The following TUSC3 variants were observed in gnomAD, a reference collection of about 807,000 sequenced individuals.
TUSC3 encodes dolichyl-diphosphooligosaccharide--protein glycosyltransferase subunit TUSC3.
TUSC3 carries 45 observed loss-of-function variants against 44.8 expected under a neutral mutation model. The ratio of observed to expected loss-of-function variants is 1.00; its 90% CI spans 0.79 to 1.29. The LOEUF is 1.29. Ranked by LOEUF, TUSC3 falls within the 50% of genes most tolerant of loss-of-function variation. The pLI, the probability that TUSC3 is intolerant of heterozygous loss-of-function variation, is 0.00. For synonymous variants in TUSC3, 212 were observed against 152.9 expected, an observed-to-expected ratio of 1.39 and a Z score of -2.85; for missense variants, 519 against 437.9, an observed-to-expected ratio of 1.19 and a Z score of -1.65.
At chr8:15,813,568 C>G in the TUSC3 span, among the ~76,000 whole-genome samples, 1 of 152,058 alleles carries the variant, frequency 6.6e-6, no homozygotes. Context: ...TTTTAAGGCA[C>G]ATTTTATTCT....
rs11545037 is a variant in TUSC3, at chr8:15,540,523, G to A, written c.93G>A (p.Leu31=). The part of the protein sequence containing the change: ...PTGSFPFLLL[L]LLLCIQLGGG... ...GGAGCTTTCCCTTCCTTCTCCTGCT[G>A]CTGCTGCTCTGCATCCAGCTCGGGG... The change falls in exon 1 of 11, where the codon CTG becomes CTA. Residue 31 remains leucine, a synonymous_variant. Transcript: ENST00000503731. The A allele has an allele frequency of 1.2e-6, 2 of 1,606,362 alleles. No homozygotes were observed. The highest frequency in any genetic ancestry group is 2.7e-5 in the African/African-American group (2 of 73,930).
At chr8:15,714,918 C>T (rs1247082633) in intron 6 of TUSC3, among the ~76,000 whole-genome samples, 1 of 152,058 alleles carries the variant, frequency 6.6e-6, no homozygotes, top group Non-Finnish European at 1.5e-5. Context: ...CTCTTTATAA[C>T]TCTTTATAAT....
At chr8:15,634,707 C>T (rs1413116500) in intron 2 of TUSC3, among the ~76,000 whole-genome samples, 3 of 152,096 alleles carry the variant, frequency 2.0e-5, no homozygotes, top group Non-Finnish European at 4.4e-5. Flanking sequence ...CTCTCTACCT[C>T]CTAGGATCTG....
At chr8:15,831,637 T>A in the TUSC3 span, among the ~76,000 whole-genome samples, 1 of 152,082 alleles carries the variant, frequency 6.6e-6, no homozygotes, top group Admixed American at 6.6e-5. Flanking sequence ...AAAAACACAC[T>A]GCAAGAATTT....
intron 2 of TUSC3, among the ~76,000 whole-genome samples, chr8:15,513,825 A>G (rs1475379623): frequency 6.6e-6 from 1 of 152,270 alleles, no homozygotes; most frequent in East Asian, 1.9e-4. Context: ...CACCAGAGTC[A>G]ATGAGCAAGC....
intron 6 of TUSC3, among the ~76,000 whole-genome samples, chr8:15,682,614 T>C (rs1808471333): frequency 6.6e-6 from 1 of 152,190 alleles, no homozygotes; most frequent in Non-Finnish European, 1.5e-5. Flanking sequence ...CCTGTGTGTC[T>C]ATTAAGTGGA....
chr8:15,592,907 A>G (rs1286749368), intron 1 of TUSC3, among the ~76,000 whole-genome samples: 4 of 152,128 alleles, frequency 2.6e-5, no homozygotes, highest in African/African-American at 7.2e-5. Context: ...TGTTGTCATC[A>G]GGACTCAAAC....
intron 9 of TUSC3, among the ~76,000 whole-genome samples, chr8:15,750,049 G>C (rs1047374782): frequency 6.8e-6 from 1 of 148,074 alleles, no homozygotes; most frequent in African/African-American, 2.5e-5. Context: ...GCTTGATCTC[G>C]GCTCACTGCA....
chr8:15,689,821 G>GGTGTGTGT (rs71543657), intron 6 of TUSC3, among the ~76,000 whole-genome samples: 2,461 of 130,934 alleles, frequency 0.019, 18 homozygotes, highest in Non-Finnish European at 0.02. Context: ...AATAGTCCAT[G>GGTGTGTGT]GTGTGTGTGT....
chr8:15,552,011 C>G (rs1802077202), intron 1 of TUSC3, among the ~76,000 whole-genome samples: 1 of 151,662 alleles, frequency 6.6e-6, no homozygotes, highest in Non-Finnish European at 1.5e-5. Context: ...AGTATGGAGA[C>G]TTCTTTGATT....
chr8:15,448,908 T>A (rs550002384), intron 1 of TUSC3, among the ~76,000 whole-genome samples: 3 of 152,214 alleles, frequency 2.0e-5, no homozygotes, highest in Non-Finnish European at 4.4e-5. Context: ...GTAGCCATTA[T>A]AACATCATAG....
chr8:15,683,066 T>C (rs974364739), intron 6 of TUSC3, among the ~76,000 whole-genome samples: 16 of 152,274 alleles, frequency 1.1e-4, no homozygotes, highest in Middle Eastern at 3.4e-3. Context: ...CCCTTTTCTC[T>C]AGCTGCCTTT....
intron 2 of TUSC3, among the ~76,000 whole-genome samples, chr8:15,488,029 A>G (rs139119152): frequency 1.3e-5 from 2 of 151,886 alleles, no homozygotes; most frequent in East Asian, 3.9e-4. Flanking sequence ...CAAAAAGTCA[A>G]TTTTCTAAGC....
At chr8:15,454,149 G>C (rs1367776976) in intron 1 of TUSC3, among the ~76,000 whole-genome samples, 2 of 152,148 alleles carry the variant, frequency 1.3e-5, no homozygotes, top group African/African-American at 4.8e-5. Context: ...CAAGGGAGAA[G>C]GGACACAAGA....
intron 1 of TUSC3, among the ~76,000 whole-genome samples, chr8:15,478,957 T>G (rs767409897): frequency 5.9e-5 from 9 of 152,166 alleles, no homozygotes; most frequent in Non-Finnish European, 1.3e-4. Flanking sequence ...TTTCTTGACT[T>G]TTTAATAACC....
intron 3 of TUSC3, among the ~76,000 whole-genome samples, chr8:15,651,370 A>C (rs992673872): frequency 4.6e-5 from 7 of 152,196 alleles, no homozygotes; most frequent in Non-Finnish European, 8.8e-5. Context: ...AGGATTAAAT[A>C]TTTATTGACA....
chr8:15,834,447 C>G, the TUSC3 span, among the ~76,000 whole-genome samples: 143,428 of 152,214 alleles, frequency 0.94, 67,675 homozygotes, highest in Non-Finnish European at 0.97. Context: ...GGGAAGGTGT[C>G]TTTCATTTCT....
At position 15,738,762 on chromosome 8, in the gene TUSC3, A is replaced by G. The variant is rs190207958; in HGVS notation, c.863-4776A>G. 4.0e-3 allele frequency among the ~76,000 whole-genome samples: 613 copies of G among 151,480 alleles called. 14 individuals carry two copies. The highest frequency in any genetic ancestry group is 9.3e-4 in the Non-Finnish European group (63 of 67,924). ...TCAGGTTTTATATATACTTTTATAC[A>G]TATTATACAAACATATACATCTTTT... On this transcript the variant is annotated intron_variant, in intron 7 of 10. Coordinates refer to ENST00000503731, the MANE Select transcript of TUSC3 (RefSeq NM_006765.4).
At chr8:15,719,478 T>A (rs377453637) in intron 6 of TUSC3, among the ~76,000 whole-genome samples, 3 of 149,722 alleles carry the variant, frequency 2.0e-5, no homozygotes, top group African/African-American at 7.4e-5. Flanking sequence ...CACTTTGCAC[T>A]TATAGTATAC....
Sources: allele counts gnomAD v4.1 joint callset (sites outside exome capture counted in the v4.1 genomes callset), GRCh38; gene constraint gnomAD v4.1.1; transcripts MANE v1.5; gene names NCBI Gene and HGNC (gene_info 2026-07-23, HGNC 2026-07-21).